Variants in CLNK observed in about 807,000 individuals in gnomAD.
The protein encoded by CLNK is cytokine dependent hematopoietic cell linker.
CLNK carries 74 observed loss-of-function variants against 68.6 expected under a neutral mutation model. The ratio of observed to expected loss-of-function variants is 1.08; its 90% CI spans 0.89 to 1.31. The LOEUF is 1.31. Ranked by LOEUF, CLNK falls within the 50% of genes most tolerant of loss-of-function variation. CLNK has a pLI of 0.00. For synonymous variants in CLNK, 198 were observed against 172.2 expected (o/e 1.15, Z -1.17); for missense variants, 553 against 515.3 (o/e 1.07, Z -0.71).
At chr4:10,526,017 G>T (rs1298577905) in intron 13 of CLNK, 95 bp from the exon 14 acceptor site, 2 of 697,460 alleles carry the variant, frequency 2.9e-6, no homozygotes, top group Non-Finnish European at 2.5e-6. Flanking sequence ...TTTCCTCCAA[G>T]TAATCTCTGA....
At chr4:10,728,712 C>G in the CLNK span, among the ~76,000 whole-genome samples, 4 of 151,422 alleles carry the variant, frequency 2.6e-5, no homozygotes, top group African/African-American at 9.7e-5. Flanking sequence ...CCTCAGCCTC[C>G]TGAATAGCAG....
In CLNK at chr4:10,593,218, T is replaced by G. The variant is rs138073555; in HGVS notation, c.83+4760A>C. ...GCCACAGTGAGAAAAGTGACCCTTA[T>G]GGCTCTCTCAGTGCTGCAGAGGCTC... On this transcript the variant is annotated intron_variant, in intron 3 of 18. Transcript: ENST00000226951. Among the ~76,000 whole-genome samples the G allele has an allele frequency of 6.4e-3, 962 of 151,440 alleles. 3 individuals are homozygous for G. The highest frequency in any genetic ancestry group is 0.011 in the Non-Finnish European group (729 of 68,012).
chr4:10,515,000 G>T lies in CLNK; in HGVS notation c.773-1403C>A, dbSNP rs945118760. 5.3e-5 allele frequency among the ~76,000 whole-genome samples: 8 copies of T among 152,338 alleles called. 1 individual carries two copies. The South Asian group carries it at 1.7e-3, about 32-fold the overall frequency. ...GCCTGTAATCCCAGCACTTCGGGAG[G>T]CCGAGGCGGGTCGGATCACCTGAGG... On this transcript the variant is annotated intron_variant, in intron 15 of 18. Transcript: ENST00000226951.
At chr4:10,679,055 C>A (rs950160941) in intron 1 of CLNK, among the ~76,000 whole-genome samples, 1 of 152,134 alleles carries the variant, frequency 6.6e-6, no homozygotes, top group Non-Finnish European at 1.5e-5. Context: ...CGTGCATTGC[C>A]AACTCAATCC....
intron 2 of CLNK, among the ~76,000 whole-genome samples, chr4:10,603,580 C>T (rs1293236950): frequency 6.6e-6 from 1 of 152,206 alleles, no homozygotes; most frequent in African/African-American, 2.4e-5. Context: ...GGGAGTGCTC[C>T]TGGCACCAAC....
chr4:10,567,685 C>T (rs1362583144), intron 5 of CLNK, among the ~76,000 whole-genome samples: 1 of 152,056 alleles, frequency 6.6e-6, no homozygotes, highest in Non-Finnish European at 1.5e-5. Context: ...TGATAAGGAG[C>T]TTAAATCCAG....
intron 2 of CLNK, among the ~76,000 whole-genome samples, chr4:10,667,583 T>A (rs1259170868): frequency 6.6e-6 from 1 of 152,038 alleles, no homozygotes; most frequent in Non-Finnish European, 1.5e-5. Flanking sequence ...ACTGTCTGGG[T>A]GCCCTTCTAG....
chr4:10,589,993 C>T (rs1721126471), intron 3 of CLNK, among the ~76,000 whole-genome samples: 1 of 152,172 alleles, frequency 6.6e-6, no homozygotes, highest in African/African-American at 2.4e-5. Flanking sequence ...TGGCAGCCAC[C>T]CTTCTGCCTT....
chr4:10,634,234 T>C (rs1195534063), intron 2 of CLNK, among the ~76,000 whole-genome samples: 1 of 152,158 alleles, frequency 6.6e-6, no homozygotes. Context: ...GAAGGTTAAA[T>C]ATTTGCCCTG....
chr4:10,558,174 A>G (rs545842800), intron 8 of CLNK, among the ~76,000 whole-genome samples: 1 of 152,348 alleles, frequency 6.6e-6, no homozygotes, highest in African/African-American at 2.4e-5. Flanking sequence ...AAATTGCACA[A>G]CAAAGAATAC....
chr4:10,562,659 C>T (rs1303053570), intron 7 of CLNK, among the ~76,000 whole-genome samples: 1 of 152,176 alleles, frequency 6.6e-6, no homozygotes, highest in Non-Finnish European at 1.5e-5. Context: ...CTACTTCAGA[C>T]TCCCAAAGTG....
At chr4:10,602,154 T>C (rs141376836) in intron 2 of CLNK, among the ~76,000 whole-genome samples, 178 of 152,344 alleles carry the variant, frequency 1.2e-3, no homozygotes, top group Non-Finnish European at 1.7e-3. Flanking sequence ...CAGTCAATGA[T>C]ACCCATCTAG....
chr4:10,545,716 T>C (rs77352455), intron 8 of CLNK, among the ~76,000 whole-genome samples: 8,181 of 152,264 alleles, frequency 0.054, 448 homozygotes, highest in East Asian at 0.13. Context: ...ATGTCTCCAC[T>C]CCTGTGACAA....
intron 15 of CLNK, among the ~76,000 whole-genome samples, chr4:10,518,040 T>G (rs1015429846): frequency 6.6e-6 from 1 of 151,896 alleles, no homozygotes; most frequent in African/African-American, 2.4e-5. Context: ...AACATTACAT[T>G]CAAGTTTTAT....
At position 10,587,479 on chromosome 4, in the gene CLNK, G is replaced by A. The variant is rs377009663; in HGVS notation, c.84-2524C>T. Among the ~76,000 whole-genome samples the A allele has an allele frequency of 2.2e-4, 34 of 152,280 alleles. 1 individual carries two copies. In the East Asian group the frequency reaches 2.5e-3, roughly 11 times the overall value. On this transcript the variant is annotated intron_variant, in intron 3 of 18. Coordinates refer to ENST00000226951, the MANE Select transcript of CLNK (RefSeq NM_052964.4). Reference sequence around the variant, plus strand: ...CTTTCCTCCAAGGCACTCAACGTGCGTCACAGGAGCAATTAATTGAACATC... The same window carrying A: ...CTTTCCTCCAAGGCACTCAACGTGCATCACAGGAGCAATTAATTGAACATC...
At chr4:10,574,389 C>A (rs1222540453) in intron 4 of CLNK, among the ~76,000 whole-genome samples, 2 of 152,226 alleles carry the variant, frequency 1.3e-5, no homozygotes, top group Non-Finnish European at 2.9e-5. Context: ...AAGACTCCTG[C>A]TCAGTCAGTT....
intron 7 of CLNK, among the ~76,000 whole-genome samples, chr4:10,563,110 G>A (rs559281726): frequency 1.9e-4 from 29 of 152,216 alleles, no homozygotes; most frequent in East Asian, 1.9e-4. Flanking sequence ...GTAAATGGTC[G>A]GTGTTGCTTG....
At chr4:10,631,055 C>A (rs61796793) in intron 2 of CLNK, among the ~76,000 whole-genome samples, 2 of 152,216 alleles carry the variant, frequency 1.3e-5, no homozygotes, top group South Asian at 4.1e-4. Context: ...TGCTGCTTTA[C>A]GGAATCAGCA....
At chr4:10,688,098 G>T (rs968328481), upstream of CLNK, among the ~76,000 whole-genome samples, 16 of 152,174 alleles carry the variant, frequency 1.1e-4, no homozygotes, top group Non-Finnish European at 2.2e-4. Flanking sequence ...CTTACCTCCT[G>T]CAATGGGCTA....
Sources: gnomAD v4.1 joint callset for allele counts (sites outside exome capture counted in the v4.1 genomes callset) on GRCh38, gnomAD v4.1.1 for gene constraint, MANE v1.5 for transcripts, NCBI Gene and HGNC (gene_info 2026-07-23, HGNC 2026-07-21) for gene names.